Variants in PHIP observed in about 807,000 individuals in gnomAD.
PHIP encodes the protein PHIP subunit of CUL4-Ring ligase complex.
A neutral mutation model predicts 236.8 loss-of-function variants in PHIP; 54 were observed. The observed-to-expected ratio is 0.23, with a 90% CI of 0.18 to 0.29. The LOEUF (loss-of-function observed/expected upper bound fraction) is 0.29, where lower values mean the gene tolerates loss of function less well. PHIP is among the 10% of genes least tolerant of loss of function. PHIP has a pLI of 1.00. For synonymous variants in PHIP, 756 were observed against 718.9 expected (o/e 1.05, Z -0.83); for missense variants, 1,370 against 2,190.8 (o/e 0.63, Z 7.48).
chr6:79,006,909 T>C (rs1257637776), intron 15 of PHIP, among the ~76,000 whole-genome samples: 1 of 151,968 alleles, frequency 6.6e-6, no homozygotes, highest in East Asian at 1.9e-4. Flanking sequence ...TACCAGTAAC[T>C]GTGAAAACTT....
intron 7 of PHIP, among the ~76,000 whole-genome samples, chr6:79,038,208 A>G (rs1391924418): frequency 3.3e-5 from 5 of 152,226 alleles, no homozygotes; most frequent in African/African-American, 1.2e-4. Context: ...TGTAAACAGA[A>G]AGTTATTACT....
chr6:79,065,764 C>CCACACACACACA (rs58570604), intron 4 of PHIP, among the ~76,000 whole-genome samples: 7 of 143,470 alleles, frequency 4.9e-5, no homozygotes, highest in East Asian at 2.1e-4. Context: ...CTTAACTATA[C>CCACACACACACA]CACACACACA....
chr6:79,055,859 A>G (rs1773043122), intron 6 of PHIP, among the ~76,000 whole-genome samples: 1 of 152,206 alleles, frequency 6.6e-6, no homozygotes, highest in Non-Finnish European at 1.5e-5. Context: ...GTCTACTCAT[A>G]AACCTTAATT....
chr6:79,041,443 A>G (rs1772207805), intron 7 of PHIP, among the ~76,000 whole-genome samples: 1 of 152,116 alleles, frequency 6.6e-6, no homozygotes, highest in Admixed American at 6.6e-5. Flanking sequence ...AATCCCTATC[A>G]TTTTTAAAGA....
chr6:79,038,643 A>G (rs1437090859), intron 7 of PHIP, among the ~76,000 whole-genome samples: 1 of 95,610 alleles, frequency 1.0e-5, no homozygotes, highest in African/African-American at 3.8e-5. Context: ...CTCTGTCTCA[A>G]TTATTGACTC....
rs745345489 is a variant in PHIP, at chr6:78,935,499, T to C, written c.*5194A>G. Reference sequence around the variant, plus strand: ...TTGAGAAAATATTTATGCAAAGTGTTCCACTGAAATGTATCTCTTACGAAA... The same window carrying C: ...TTGAGAAAATATTTATGCAAAGTGTCCCACTGAAATGTATCTCTTACGAAA... On this transcript the variant is annotated 3_prime_UTR_variant, in exon 40 of 40. Coordinates refer to ENST00000275034, the MANE Select transcript of PHIP (RefSeq NM_017934.7). 6 of 978,682 alleles carry C rather than the reference T, an allele frequency of 6.1e-6. No individual in the cohort carries two copies. Among genetic ancestry groups the C allele is most frequent in the Non-Finnish European group, 7.3e-6 (6 of 823,850 alleles). 60.6% of individuals were successfully genotyped at this position (978,682 alleles called of 1,614,324 possible).
rs995803024 is a variant in PHIP at position 78,985,046 on chromosome 6, T to A, written c.2537+306A>T. ...AACTCAGGAGGCTTGCATTGCTTTCTTAACTTCATACTTTTCAAAACCAGT... is the reference window on the plus strand; with the variant it reads ...AACTCAGGAGGCTTGCATTGCTTTCATAACTTCATACTTTTCAAAACCAGT... On this transcript the variant is annotated intron_variant, in intron 22 of 39. Coordinates refer to ENST00000275034, the MANE Select transcript of PHIP (RefSeq NM_017934.7). Among the ~76,000 whole-genome samples, 2 of 152,278 alleles carry A rather than the reference T, an allele frequency of 1.3e-5. 1 individual carries two copies. Among genetic ancestry groups the A allele is most frequent in the African/African-American group, 4.8e-5 (2 of 41,550 alleles).
At chr6:79,065,256 G>C (rs1773568056) in intron 4 of PHIP, among the ~76,000 whole-genome samples, 1 of 152,040 alleles carries the variant, frequency 6.6e-6, no homozygotes, top group South Asian at 2.1e-4. Context: ...ATACATATTG[G>C]ATCAAGTCAC....
chr6:79,024,759 C>T (rs1057513030), intron 9 of PHIP, among the ~76,000 whole-genome samples: 3 of 152,026 alleles, frequency 2.0e-5, no homozygotes, highest in East Asian at 3.9e-4. Flanking sequence ...GAGCTGAGAT[C>T]GCGACACTGC....
intron 17 of PHIP, among the ~76,000 whole-genome samples, chr6:79,000,631 C>T (rs1214874526): frequency 6.6e-6 from 1 of 152,076 alleles, no homozygotes; most frequent in Non-Finnish European, 1.5e-5. Flanking sequence ...TGGGAACAAT[C>T]TGATTTTGCC....
chr6:79,069,597 T>C (rs1180231304), intron 4 of PHIP, among the ~76,000 whole-genome samples: 1 of 152,124 alleles, frequency 6.6e-6, no homozygotes, highest in Non-Finnish European at 1.5e-5. Flanking sequence ...CCAAGTTTAC[T>C]GATATTTTTA....
chr6:79,071,964 C>T lies in PHIP; in HGVS notation c.189+5484G>A, dbSNP rs199578426. The stretch of plus-strand genomic sequence containing the variant: ...CAGATTATGAAAAAAAAAAAGAAAA[C>T]CAAAAACTAACTTACAAAGAAATTC... On this transcript the variant is annotated intron_variant, in intron 4 of 39. Coordinates refer to ENST00000275034, the MANE Select transcript of PHIP (RefSeq NM_017934.7). Among the ~76,000 whole-genome samples, 4 of 150,068 alleles carry T rather than the reference C, an allele frequency of 2.7e-5. No homozygotes were observed. The East Asian group carries it at 5.8e-4, about 22-fold the overall frequency.
chr6:79,070,358 A>T (rs1392490823), intron 4 of PHIP, among the ~76,000 whole-genome samples: 1 of 152,190 alleles, frequency 6.6e-6, no homozygotes, highest in Non-Finnish European at 1.5e-5. Context: ...ATCTTGAATG[A>T]CCAGTTTCAT....
chr6:78,996,570 A>T (rs1769631200), intron 19 of PHIP, among the ~76,000 whole-genome samples: 1 of 152,204 alleles, frequency 6.6e-6, no homozygotes, highest in Non-Finnish European at 1.5e-5. Context: ...TGAGTTAATT[A>T]ATTTATGACG....
chr6:79,037,732 T>C (rs1296018652), intron 7 of PHIP, among the ~76,000 whole-genome samples: 1 of 152,210 alleles, frequency 6.6e-6, no homozygotes, highest in African/African-American at 2.4e-5. Context: ...TACAGATATT[T>C]GTATGTATTT....
chr6:78,973,027 C>T (rs1030178415), intron 24 of PHIP, among the ~76,000 whole-genome samples: 5 of 152,064 alleles, frequency 3.3e-5, no homozygotes, highest in East Asian at 1.9e-4. Flanking sequence ...ATACAGAGAA[C>T]GCCATAAAGA....
rs1321394548 is a variant in PHIP, at chr6:79,017,434, T to C, written c.1096-48A>G. The stretch of plus-strand genomic sequence containing the variant: ...AAAAGTGGGTGCTGAATATAAACTC[T>C]TGGACTCACATAAATTATACTCATC... On this transcript the variant is annotated intron_variant, in intron 11 of 39. Transcript: ENST00000275034. 5 of 1,582,220 alleles carry C rather than the reference T, an allele frequency of 3.2e-6. No individual in the cohort carries two copies. The African/African-American group carries it at 5.4e-5, about 17-fold the overall frequency.
chr6:78,977,969 GACACCAGATAAC>G (rs1768230770), intron 24 of PHIP, among the ~76,000 whole-genome samples: 1 of 151,956 alleles, frequency 6.6e-6, no homozygotes, highest in South Asian at 2.1e-4. Context: ...CAATCTGTTG[GACACCAGATAAC>G]ACTGCCTCTT....
intron 7 of PHIP, among the ~76,000 whole-genome samples, chr6:79,026,969 A>T (rs1216868130): frequency 6.6e-6 from 1 of 152,090 alleles, no homozygotes; most frequent in African/African-American, 2.4e-5. Flanking sequence ...ACACAAGGTT[A>T]AAAGAGAAAA....
Sources: allele counts gnomAD v4.1 joint callset (sites outside exome capture counted in the v4.1 genomes callset), GRCh38; gene constraint gnomAD v4.1.1; transcripts MANE v1.5; gene names NCBI Gene and HGNC (gene_info 2026-07-23, HGNC 2026-07-21).